RANBP3L: variants seen among roughly 807,000 people sequenced by gnomAD.
RANBP3L encodes ran-binding protein 3-like.
Under a neutral mutation model 67.2 loss-of-function variants are expected in RANBP3L, and 56 were observed. That is an observed-to-expected ratio of 0.83 (90% CI 0.67 to 1.04). The LOEUF is 1.04. Ranked by LOEUF, RANBP3L falls within the 50% of genes least tolerant of loss-of-function variation. RANBP3L has a pLI of 0.00. For missense variants in RANBP3L, 496 were observed against 535.5 expected (o/e 0.93, Z 0.73); for synonymous variants, 164 against 181.4 (o/e 0.90, Z 0.77).
chr5:36,287,347 A>G (rs1751398265), intron 1 of RANBP3L, among the ~76,000 whole-genome samples: 1 of 152,158 alleles, frequency 6.6e-6, no homozygotes, highest in South Asian at 2.1e-4. Context: ...TGCCTCTGAG[A>G]AAATAAGCTC....
At chr5:36,301,101 G>A (rs1752578670) in intron 1 of RANBP3L, among the ~76,000 whole-genome samples, 1 of 152,194 alleles carries the variant, frequency 6.6e-6, no homozygotes, top group African/African-American at 2.4e-5. Flanking sequence ...ACAGTGGCTA[G>A]AAGTTTAAGC....
At chr5:36,291,911 T>C (rs1224706526) in intron 1 of RANBP3L, among the ~76,000 whole-genome samples, 2 of 136,486 alleles carry the variant, frequency 1.5e-5, no homozygotes, top group African/African-American at 2.8e-5. Context: ...TTTGGGTATA[T>C]ACCCAGTAAT....
chr5:36,286,066 A>T (rs1237365535), intron 1 of RANBP3L, among the ~76,000 whole-genome samples: 1 of 152,220 alleles, frequency 6.6e-6, no homozygotes, highest in African/African-American at 2.4e-5. Flanking sequence ...TTGTCTGAGC[A>T]AACCTTAAGG....
At chr5:36,266,902 G>A (rs776904207) in intron 4 of RANBP3L, among the ~76,000 whole-genome samples, 2 of 152,034 alleles carry the variant, frequency 1.3e-5, no homozygotes, top group Admixed American at 6.5e-5. Flanking sequence ...AACTACAGGC[G>A]TGCAACACCA....
At position 36,271,271 on chromosome 5, in the gene RANBP3L, C is replaced by T; in HGVS notation, c.132G>A (p.Lys44=). The part of the protein sequence containing the change: ...VIAQPIFVFE[K]GEQTFKRPAE... ...ATCTTACCTTAAAAGTTTGTTCTCC[C>T]TTTTCAAAAACAAATATGGGTTGAG... Residue 44 remains lysine, a synonymous_variant, in exon 2 of 14, where the codon AAG becomes AAA. Coordinates refer to ENST00000296604, the MANE Select transcript of RANBP3L (RefSeq NM_145000.5). 1 of 1,583,156 alleles carries T rather than the reference C, an allele frequency of 6.3e-7. No homozygotes were observed. Among genetic ancestry groups the T allele is most frequent in the Non-Finnish European group, 8.7e-7 (1 of 1,153,800 alleles).
chr5:36,262,130 A>G (rs1175449353), intron 6 of RANBP3L, 88 bp from the exon 7 acceptor site: 4 of 683,814 alleles, frequency 5.8e-6, no homozygotes, highest in African/African-American at 5.4e-5. Flanking sequence ...ATAGTTAAAT[A>G]TATTGAAAGC....
At chr5:36,295,199 C>A (rs1303417884) in intron 1 of RANBP3L, among the ~76,000 whole-genome samples, 2 of 151,838 alleles carry the variant, frequency 1.3e-5, no homozygotes, top group South Asian at 2.1e-4. Flanking sequence ...TGAGGAACTG[C>A]GTGATATGGT....
At chr5:36,285,832 T>C (rs1229232983) in intron 1 of RANBP3L, among the ~76,000 whole-genome samples, 2 of 152,164 alleles carry the variant, frequency 1.3e-5, no homozygotes, top group Admixed American at 6.5e-5. Flanking sequence ...TGAATTTTCA[T>C]TGGTGAAATT....
intron 13 of RANBP3L, 65 bp downstream of exon 13, chr5:36,251,243 CTAATA>C (rs1292401994): frequency 1.5e-6 from 2 of 1,296,722 alleles, no homozygotes; most frequent in Non-Finnish European, 2.1e-6. Context: ...AAAAATCTAC[CTAATA>C]TATTAGGATC....
At chr5:36,255,796 A>G (rs1298846619) in intron 10 of RANBP3L, among the ~76,000 whole-genome samples, 3 of 152,156 alleles carry the variant, frequency 2.0e-5, no homozygotes, top group African/African-American at 7.2e-5. Flanking sequence ...AAAAAGACAT[A>G]CAAAGTGAAA....
At chr5:36,277,267 A>G (rs556841500) in intron 1 of RANBP3L, among the ~76,000 whole-genome samples, 1 of 151,752 alleles carries the variant, frequency 6.6e-6, no homozygotes, top group South Asian at 2.1e-4. Flanking sequence ...ACTTTCCTTT[A>G]TGTCCCTGTC....
At chr5:36,249,723 A>C in intron 13 of RANBP3L, 26 bp from the exon 14 acceptor site, 1 of 1,258,312 alleles carries the variant, frequency 7.9e-7, no homozygotes, top group Non-Finnish European at 1.1e-6. Context: ...AAAATGTTTT[A>C]TTATACAATA....
chr5:36,265,134 T>C (rs1295834482), intron 5 of RANBP3L, 36 bp from the exon 6 acceptor site: 1 of 1,319,546 alleles, frequency 7.6e-7, no homozygotes, highest in Non-Finnish European at 1.1e-6. Flanking sequence ...AATATATGTT[T>C]ACTGAAATAT....
intron 6 of RANBP3L, among the ~76,000 whole-genome samples, chr5:36,262,409 A>G (rs970596582): frequency 2.0e-5 from 3 of 152,196 alleles, no homozygotes; most frequent in Admixed American, 1.3e-4. Context: ...AGCTCTTTTC[A>G]GGACTATTTA....
intron 1 of RANBP3L, among the ~76,000 whole-genome samples, chr5:36,274,857 TTTTC>T (rs1475466188): frequency 1.3e-5 from 2 of 152,270 alleles, no homozygotes; most frequent in African/African-American, 4.8e-5. Context: ...GGCTGCTCTT[TTTTC>T]TTTGTTTAAA....
chr5:36,263,006 T>C (rs1749506896), intron 6 of RANBP3L, among the ~76,000 whole-genome samples: 1 of 151,676 alleles, frequency 6.6e-6, no homozygotes. Context: ...GATTTTGATA[T>C]ACAAGATAAT....
rs898479379 is a variant in RANBP3L, at chr5:36,269,305, C to A, written c.268+85G>T. 5 of 820,290 alleles carry A rather than the reference C, an allele frequency of 6.1e-6. No homozygotes were observed. The African/African-American group carries it at 6.8e-5, about 11-fold the overall frequency. 50.8% of individuals were successfully genotyped at this position (820,290 alleles called of 1,614,324 possible). A position where few individuals can be genotyped will look rare whatever the true frequency, so the allele number is the denominator to read the frequency against. On this transcript the variant is annotated intron_variant, in intron 4 of 13. Coordinates refer to ENST00000296604, the MANE Select transcript of RANBP3L (RefSeq NM_145000.5). ...CACTATTCAGCTGGCAAGCTTTTAACATTACCCTTTTGAAAAGTTTCTCAG... is the reference window on the plus strand; with the variant it reads ...CACTATTCAGCTGGCAAGCTTTTAAAATTACCCTTTTGAAAAGTTTCTCAG...
intron 1 of RANBP3L, among the ~76,000 whole-genome samples, chr5:36,279,511 G>C (rs573301455): frequency 6.6e-6 from 1 of 152,082 alleles, no homozygotes; most frequent in Admixed American, 6.6e-5. Flanking sequence ...GTAAGATAAC[G>C]AGGCCTCTGG....
intron 2 of RANBP3L, 133 bp downstream of exon 2, chr5:36,271,120 T>C: frequency 1.6e-6 from 1 of 640,704 alleles, no homozygotes; most frequent in Middle Eastern, 3.4e-4. Context: ...ATATAAATAA[T>C]CTGGAGGCAC....
Sources: gnomAD v4.1 joint callset for allele counts (sites outside exome capture counted in the v4.1 genomes callset) on GRCh38, gnomAD v4.1.1 for gene constraint, MANE v1.5 for transcripts, NCBI Gene and HGNC (gene_info 2026-07-23, HGNC 2026-07-21) for gene names.